Variants in NEMF observed in about 807,000 individuals in gnomAD.
NEMF encodes the protein nuclear export mediator factor.
In NEMF, 89 loss-of-function variants were observed where a neutral mutation model predicts 162.2. The ratio of observed to expected loss-of-function variants is 0.55; its 90% CI spans 0.46 to 0.65. The LOEUF is 0.65. NEMF is among the 30% of genes least tolerant of loss of function. The pLI, the probability that NEMF is intolerant of heterozygous loss-of-function variation, is 0.00. For synonymous variants in NEMF, 421 were observed against 404.5 expected (o/e 1.04, Z -0.49); for missense variants, 1,133 against 1,261.9 (o/e 0.90, Z 1.55).
chr14:49,820,539 A>G (rs1406689133), intron 16 of NEMF: 2 of 455,394 alleles, frequency 4.4e-6, no homozygotes, highest in Non-Finnish European at 8.8e-6. Context: ...AAGGCCGAGG[A>G]GGGTGGATCA....
intron 18 of NEMF, among the ~76,000 whole-genome samples, chr14:49,808,988 A>C (rs929610167): frequency 6.6e-6 from 1 of 152,182 alleles, no homozygotes; most frequent in Admixed American, 6.5e-5. Context: ...GAAATACACT[A>C]TGCATCAATG....
intron 6 of NEMF, 89 bp downstream of exon 6, chr14:49,838,050 T>A: frequency 9.6e-7 from 1 of 1,038,100 alleles, no homozygotes; most frequent in Non-Finnish European, 1.4e-6. Flanking sequence ...TTGTTCAAAT[T>A]TTCTAATAAA....
At chr14:49,788,057 T>A (rs1890260044) in intron 28 of NEMF, among the ~76,000 whole-genome samples, 1 of 152,118 alleles carries the variant, frequency 6.6e-6, no homozygotes. Flanking sequence ...GGCAGGCGGA[T>A]CACCTGAGAT....
At chr14:49,802,430 A>G (rs1407544666) in intron 22 of NEMF, 23 bp downstream of exon 22, 5 of 1,607,984 alleles carry the variant, frequency 3.1e-6, no homozygotes, top group South Asian at 1.1e-5. Flanking sequence ...TCACAAGCTA[A>G]TTTCTTAAAA....
intron 16 of NEMF, among the ~76,000 whole-genome samples, chr14:49,819,941 ATT>A (rs111593629): frequency 2.9e-5 from 4 of 138,990 alleles, no homozygotes; most frequent in Non-Finnish European, 3.2e-5. Context: ...TCAGCCACCC[ATT>A]TTTTTTTTTT....
At chr14:49,829,513 G>A (rs1297975985) in intron 11 of NEMF, 87 bp from the exon 12 acceptor site, 2 of 1,075,478 alleles carry the variant, frequency 1.9e-6, no homozygotes, top group South Asian at 2.8e-5. Context: ...TCACTATCCT[G>A]ACCCCATCTA....
chr14:49,795,998 G>C (rs751841564), intron 25 of NEMF, 54 bp from the exon 26 acceptor site: 6 of 1,469,034 alleles, frequency 4.1e-6, no homozygotes, highest in Non-Finnish European at 4.6e-6. Context: ...AATTCTTAGT[G>C]CCCTAAAAAA....
intron 3 of NEMF, among the ~76,000 whole-genome samples, chr14:49,846,835 C>T (rs968358616): frequency 3.9e-5 from 6 of 152,164 alleles, no homozygotes; most frequent in Non-Finnish European, 7.3e-5. Flanking sequence ...TATACCACTG[C>T]TAAATTCCTT....
chr14:49,834,548 G>A (rs1277338202), intron 6 of NEMF, 99 bp from the exon 7 acceptor site: 1 of 762,166 alleles, frequency 1.3e-6, no homozygotes, highest in East Asian at 2.9e-5. Flanking sequence ...AGGCCGGAGT[G>A]CAATGGTGCA....
At chr14:49,849,907 G>C (rs1893687858) in intron 3 of NEMF, among the ~76,000 whole-genome samples, 1 of 152,116 alleles carries the variant, frequency 6.6e-6, no homozygotes, top group African/African-American at 2.4e-5. Context: ...TTTTGTGAAA[G>C]CCCTTGTGAT....
intron 11 of NEMF, 89 bp downstream of exon 11, chr14:49,831,209 TC>T (rs1467610515): frequency 2.3e-5 from 17 of 732,824 alleles, no homozygotes; most frequent in African/African-American, 2.1e-4. Context: ...CTTCTTACAC[TC>T]TTTCTGAAAG....
At chr14:49,813,304 T>C (rs2139900436) in intron 18 of NEMF, among the ~76,000 whole-genome samples, 1 of 152,326 alleles carries the variant, frequency 6.6e-6, no homozygotes, top group South Asian at 2.1e-4. Context: ...CTGGTAAGTA[T>C]AATGCAAATA....
intron 15 of NEMF, among the ~76,000 whole-genome samples, chr14:49,826,644 A>G (rs1461194591): frequency 6.6e-6 from 1 of 152,080 alleles, no homozygotes; most frequent in African/African-American, 2.4e-5. Context: ...CAAGTCATGA[A>G]GGCCACTCAT....
intron 3 of NEMF, among the ~76,000 whole-genome samples, chr14:49,850,774 G>A (rs1254031129): frequency 6.6e-6 from 1 of 151,624 alleles, no homozygotes; most frequent in African/African-American, 2.4e-5. Flanking sequence ...AGCTCTGGAA[G>A]ATAAGACTAG....
Position 49,782,424 on chromosome 14 carries a change from A to T in NEMF, c.*2212T>A, listed in dbSNP as rs773721399. 1.2e-6 allele frequency: 2 copies of T among 1,612,436 alleles called. No individual in the cohort carries two copies. Among genetic ancestry groups the T allele is most frequent in the Non-Finnish European group, 1.7e-6 (2 of 1,178,584 alleles). On this transcript the variant is annotated 3_prime_UTR_variant, in exon 33 of 33. Transcript: ENST00000298310. ...AAGGAGAAGTAATTGTTTTTGGTGG[A>T]TGTGCCAACAACTTGCTTGTCCATC...
intron 26 of NEMF, among the ~76,000 whole-genome samples, chr14:49,790,474 T>C (rs1315397376): frequency 6.6e-6 from 1 of 152,136 alleles, no homozygotes; most frequent in Non-Finnish European, 1.5e-5. Context: ...AAATGAGCTA[T>C]CAGCATATAC....
rs372323413 is a variant in NEMF, at chr14:49,829,434, T to G, written c.946-8A>C. The stretch of plus-strand genomic sequence containing the variant: ...CTTCAATGCTTGCTTTTCCTTTTAT[T>G]GGCAAAACAGATTTTTTAAAAATTA... On this transcript the variant is annotated splice_polypyrimidine_tract_variant and splice_region_variant and intron_variant, in intron 11 of 32. Transcript: ENST00000298310. The G allele has an allele frequency of 3.1e-5, 50 of 1,610,718 alleles. No individual in the cohort carries two copies. In the African/African-American group the frequency reaches 6.0e-4, roughly 19 times the overall value.
At chr14:49,842,298 A>C (rs1156630153) in intron 4 of NEMF, among the ~76,000 whole-genome samples, 1 of 152,222 alleles carries the variant, frequency 6.6e-6, no homozygotes, top group East Asian at 1.9e-4. Flanking sequence ...TAGCAAAGAC[A>C]CACAAAAAAG....
intron 16 of NEMF, among the ~76,000 whole-genome samples, chr14:49,817,363 C>A (rs1357890936): frequency 1.3e-5 from 2 of 152,110 alleles, no homozygotes; most frequent in African/African-American, 2.4e-5. Context: ...TTGCTTGAAC[C>A]CAGGAGGCAG....
Sources: allele counts gnomAD v4.1 joint callset (sites outside exome capture counted in the v4.1 genomes callset), GRCh38; gene constraint gnomAD v4.1.1; transcripts MANE v1.5; gene names NCBI Gene and HGNC (gene_info 2026-07-23, HGNC 2026-07-21).